MEGF9: variants seen among roughly 807,000 people sequenced by gnomAD.
MEGF9 encodes multiple epidermal growth factor-like domains protein 9.
In MEGF9, 6 loss-of-function variants were observed where a neutral mutation model predicts 46.8. The observed-to-expected ratio is 0.13, with a 90% CI of 0.07 to 0.25. MEGF9 has a LOEUF of 0.25. Among genes scored for constraint, MEGF9 ranks in the 10% least tolerant of loss-of-function variants. The pLI is 1.00. For missense variants in MEGF9, 683 were observed against 792.4 expected, an observed-to-expected ratio of 0.86 and a Z score of 1.66; for synonymous variants, 302 against 330.7, an observed-to-expected ratio of 0.91 and a Z score of 0.94.
chr9:120,623,758 C>G (rs75699182), intron 2 of MEGF9, among the ~76,000 whole-genome samples: 2,558 of 152,178 alleles, frequency 0.017, 69 homozygotes, highest in African/African-American at 0.058. Flanking sequence ...TTTTATGACT[C>G]AATAAGAAGG....
intron 1 of MEGF9, among the ~76,000 whole-genome samples, chr9:120,702,698 C>A (rs1208638164): frequency 2.0e-5 from 3 of 151,996 alleles, no homozygotes; most frequent in African/African-American, 7.3e-5. Context: ...AAAATATAAG[C>A]CAAATGAAAG....
At chr9:120,632,287 T>C (rs1316100134) in intron 2 of MEGF9, among the ~76,000 whole-genome samples, 1 of 152,140 alleles carries the variant, frequency 6.6e-6, no homozygotes, top group East Asian at 1.9e-4. Context: ...TGTTTTATAG[T>C]TTTCCTTGTA....
At chr9:120,711,144 G>C (rs796088358) in intron 1 of MEGF9, among the ~76,000 whole-genome samples, 41 of 152,338 alleles carry the variant, frequency 2.7e-4, no homozygotes, top group African/African-American at 9.6e-4. Flanking sequence ...GAAAGTATTA[G>C]AGAATATAGT....
At chr9:120,609,143 C>G (rs763663625) in intron 4 of MEGF9, among the ~76,000 whole-genome samples, 9 of 152,148 alleles carry the variant, frequency 5.9e-5, no homozygotes, top group Non-Finnish European at 1.0e-4. Flanking sequence ...CCTCTGCCTA[C>G]TTCTCTCAAC....
intron 2 of MEGF9, among the ~76,000 whole-genome samples, chr9:120,635,627 T>G (rs1369341095): frequency 6.6e-6 from 1 of 152,200 alleles, no homozygotes; most frequent in Non-Finnish European, 1.5e-5. Context: ...ATTTTTTAAT[T>G]TAATTCACTG....
intron 1 of MEGF9, among the ~76,000 whole-genome samples, chr9:120,676,856 G>A (rs1193579456): frequency 6.6e-6 from 1 of 152,110 alleles, no homozygotes; most frequent in Non-Finnish European, 1.5e-5. Context: ...CAACAACCTT[G>A]CAACTGTAGA....
At chr9:120,610,413 G>A (rs537175818) in intron 4 of MEGF9, among the ~76,000 whole-genome samples, 1 of 152,290 alleles carries the variant, frequency 6.6e-6, no homozygotes, top group African/African-American at 2.4e-5. Flanking sequence ...GACATTCAAT[G>A]TGCTGCCTGA....
At chr9:120,670,465 T>A (rs1473916691) in intron 1 of MEGF9, among the ~76,000 whole-genome samples, 1 of 152,170 alleles carries the variant, frequency 6.6e-6, no homozygotes, top group Admixed American at 6.5e-5. Context: ...TAGAGAAAGT[T>A]ACAATATAAA....
At chr9:120,648,409 CACT>C (rs1311169032) in intron 2 of MEGF9, among the ~76,000 whole-genome samples, 1 of 151,904 alleles carries the variant, frequency 6.6e-6, no homozygotes, top group African/African-American at 2.4e-5. Flanking sequence ...CCTTCTTCCC[CACT>C]ACTACCAAAC....
chr9:120,707,930 A>G (rs1338159335), intron 1 of MEGF9, among the ~76,000 whole-genome samples: 1 of 152,212 alleles, frequency 6.6e-6, no homozygotes, highest in Non-Finnish European at 1.5e-5. Context: ...CTGTAGTCCC[A>G]GCTACTAGGG....
chr9:120,644,066 T>C (rs2043615726), intron 2 of MEGF9, among the ~76,000 whole-genome samples: 1 of 152,164 alleles, frequency 6.6e-6, no homozygotes, highest in South Asian at 2.1e-4. Flanking sequence ...AAGGAGAAAT[T>C]AACAATGGCA....
At chr9:120,637,311 G>C (rs1203118402) in intron 2 of MEGF9, among the ~76,000 whole-genome samples, 5 of 152,024 alleles carry the variant, frequency 3.3e-5, no homozygotes, top group African/African-American at 1.2e-4. Context: ...CCTCTGCCTA[G>C]GAAAACCAGA....
chr9:120,711,124 C>A (rs2043950998), intron 1 of MEGF9, among the ~76,000 whole-genome samples: 1 of 152,224 alleles, frequency 6.6e-6, no homozygotes, highest in Admixed American at 6.5e-5. Context: ...GGATTCTAAG[C>A]AACTCCAGTG....
chr9:120,710,019 C>T (rs1236662150), intron 1 of MEGF9, among the ~76,000 whole-genome samples: 5 of 122,414 alleles, frequency 4.1e-5, no homozygotes, highest in Admixed American at 9.4e-5. Context: ...GCAAAAAGAG[C>T]GAAACTCCGT....
intron 1 of MEGF9, among the ~76,000 whole-genome samples, chr9:120,696,113 T>C (rs1564430077): frequency 6.6e-6 from 1 of 152,196 alleles, no homozygotes; most frequent in Non-Finnish European, 1.5e-5. Context: ...ATATATTCAA[T>C]GGACACAACT....
chr9:120,619,880 A>G (rs950789505), intron 3 of MEGF9, among the ~76,000 whole-genome samples: 1 of 152,234 alleles, frequency 6.6e-6, no homozygotes. Flanking sequence ...AGGTATAGCA[A>G]AACAGTAGAG....
At position 120,695,603 on chromosome 9, in the gene MEGF9, C is replaced by CAAAAAAAAAAAA. The variant is rs370281228; in HGVS notation, c.601+18143_601+18154dup. Among the ~76,000 whole-genome samples the CAAAAAAAAAAAA allele has an allele frequency of 4.7e-3, 88 of 18,684 alleles. 14 individuals carry two copies. Among genetic ancestry groups the CAAAAAAAAAAAA allele is most frequent in the African/African-American group, 0.011 (87 of 8,264 alleles). The allele number at this position is 18,684 out of a possible 152,430, so 12.3% of individuals were successfully genotyped here. A position where few individuals can be genotyped will look rare whatever the true frequency, so the allele number is the denominator to read the frequency against. On this transcript the variant is annotated intron_variant, in intron 1 of 5. Coordinates refer to ENST00000373930, the MANE Select transcript of MEGF9 (RefSeq NM_001080497.3). ...TGGGTGACAGTGTGAGACCCCATCT[C>CAAAAAAAAAAAA]AAAAAAAAAAAAAAAAAAAAAAAAA...
chr9:120,616,442 G>T (rs984142575), intron 3 of MEGF9, among the ~76,000 whole-genome samples: 2 of 152,008 alleles, frequency 1.3e-5, no homozygotes, highest in Admixed American at 6.6e-5. Flanking sequence ...CACTCTGGGA[G>T]GCCGAGGCGG....
intron 1 of MEGF9, among the ~76,000 whole-genome samples, chr9:120,700,980 A>C (rs1263942568): frequency 1.3e-5 from 2 of 151,474 alleles, no homozygotes; most frequent in Admixed American, 6.6e-5. Context: ...TTAGCCGGGC[A>C]TGGTGGTGCA....
Sources: gnomAD v4.1 joint callset for allele counts (sites outside exome capture counted in the v4.1 genomes callset) on GRCh38, gnomAD v4.1.1 for gene constraint, MANE v1.5 for transcripts, NCBI Gene and HGNC (gene_info 2026-07-23, HGNC 2026-07-21) for gene names.